WNK1: variants seen among roughly 807,000 people sequenced by gnomAD.
WNK1 encodes the protein serine/threonine-protein kinase WNK1.
In WNK1, 38 loss-of-function variants were observed where a neutral mutation model predicts 222.8. The observed-to-expected ratio is 0.17, with a 90% confidence interval of 0.13 to 0.22. The LOEUF is 0.22. Among genes scored for constraint, WNK1 ranks in the 10% least tolerant of loss-of-function variants. The pLI, the probability that WNK1 is intolerant of heterozygous loss-of-function variation, is 1.00. For missense variants in WNK1, 2,348 were observed against 2,918.4 expected (o/e 0.80, Z 4.50); for synonymous variants, 1,090 against 1,092.9 (o/e 1.00, Z 0.05).
intron 1 of WNK1, among the ~76,000 whole-genome samples, chr12:807,921 G>T (rs967250290): frequency 2.0e-5 from 3 of 151,662 alleles, no homozygotes; most frequent in African/African-American, 7.3e-5. Flanking sequence ...GGGTTTCACC[G>T]TGTTAGCCAG....
intron 26 of WNK1, among the ~76,000 whole-genome samples, chr12:907,038 A>AAAAAAAAAAAT (rs1555163543): frequency 7.1e-6 from 1 of 139,874 alleles, no homozygotes; most frequent in Non-Finnish European, 1.6e-5. Flanking sequence ...AAAAAAAAAA[A>AAAAAAAAAAAT]GCCGGGCGTG....
At chr12:779,772 A>T (rs1410485239) in intron 1 of WNK1, among the ~76,000 whole-genome samples, 3 of 152,214 alleles carry the variant, frequency 2.0e-5, no homozygotes, top group African/African-American at 7.2e-5. Context: ...TGAAATTAAA[A>T]TAATGGATTT....
At chr12:849,959 G>A (rs1451974104) in intron 4 of WNK1, among the ~76,000 whole-genome samples, 1 of 152,148 alleles carries the variant, frequency 6.6e-6, no homozygotes, top group Non-Finnish European at 1.5e-5. Context: ...TCTTAATCCA[G>A]TCTATCATTG....
Position 880,942 on chromosome 12 carries a change from G to C in WNK1, c.3054G>C (p.Gln1018His). ...GGVGGQVQVS[Q>H]PGGSLAQAPT... is the part of the protein sequence containing the mutation. ...TAGGAGGACAGGTTCAAGTGTCCCA[G>C]CCAGGAGGGAGTTTAGCACAAGCCC... The change falls in exon 12 of 28, where the codon CAG becomes CAC. Residue 1018 changes from glutamine to histidine, a missense_variant. Transcript: ENST00000315939. 1 of 1,614,158 alleles carries C rather than the reference G, an allele frequency of 6.2e-7. No homozygotes were observed. Among genetic ancestry groups the C allele is most frequent in the Non-Finnish European group, 8.5e-7 (1 of 1,180,020 alleles).
rs781465541 is a variant in WNK1, at chr12:879,867, A to G, written c.2668A>G (p.Thr890Ala). Reference sequence around the variant, plus strand: ...AACAGCTGCGATCCCGGGGGTATCAACTGTGGTTCCTAGTCAGCTTCCAAC... The same window carrying G: ...AACAGCTGCGATCCCGGGGGTATCAGCTGTGGTTCCTAGTCAGCTTCCAAC... ...ATTAAIPGVS[T>A]VVPSQLPTLL... The change falls in exon 11 of 28, where the codon ACT becomes GCT. Residue 890 changes from threonine to alanine, a missense_variant. Physicochemically the swap from Thr to Ala is moderately conservative, Grantham distance 58. Transcript: ENST00000315939. 1.9e-6 allele frequency: 3 copies of G among 1,614,008 alleles called. No homozygotes were observed. Among genetic ancestry groups the G allele is most frequent in the East Asian group, 2.2e-5 (1 of 44,894 alleles).
At chr12:893,011 T>C (rs1954400780) in intron 22 of WNK1, among the ~76,000 whole-genome samples, 1 of 152,208 alleles carries the variant, frequency 6.6e-6, no homozygotes, top group Admixed American at 6.5e-5. Flanking sequence ...TCCCAGCACT[T>C]TGGGAGGCCA....
intron 1 of WNK1, among the ~76,000 whole-genome samples, chr12:803,474 T>C (rs1034920170): frequency 1.3e-5 from 2 of 152,228 alleles, no homozygotes; most frequent in African/African-American, 4.8e-5. Flanking sequence ...TATTATTTCA[T>C]AGAAAATAAT....
chr12:886,155 C>A, intron 19 of WNK1, 71 bp downstream of exon 19: 1 of 1,318,036 alleles, frequency 7.6e-7, no homozygotes. Flanking sequence ...GTACATTTTT[C>A]ACTTCAGCCT....
chr12:818,902 C>G (rs1408522965), intron 2 of WNK1, among the ~76,000 whole-genome samples: 1 of 152,158 alleles, frequency 6.6e-6, no homozygotes, highest in Non-Finnish European at 1.5e-5. Flanking sequence ...CACCTTTTGG[C>G]TATTATGAGT....
At chr12:813,497 C>T in intron 1 of WNK1, 145 bp from the exon 2 acceptor site, 2 of 810,792 alleles carry the variant, frequency 2.5e-6, no homozygotes, top group Non-Finnish European at 3.9e-6. Flanking sequence ...TGTATATAAT[C>T]CAAATCTATC....
At chr12:758,754 T>TG (rs2153912056) in intron 1 of WNK1, among the ~76,000 whole-genome samples, 1 of 147,486 alleles carries the variant, frequency 6.8e-6, no homozygotes, top group East Asian at 1.9e-4. Context: ...GAATAGTTTT[T>TG]GGAGTTTGTT....
At position 767,234 on chromosome 12, in the gene WNK1, G is replaced by GTTTTTTTT. The variant is rs71051382; in HGVS notation, c.759+12938_759+12945dup. Among the ~76,000 whole-genome samples the GTTTTTTTT allele has an allele frequency of 5.8e-4, 41 of 70,892 alleles. 3 individuals are homozygous for GTTTTTTTT. Among genetic ancestry groups the GTTTTTTTT allele is most frequent in the African/African-American group, 1.8e-3 (28 of 15,770 alleles). The allele number at this position is 70,892 out of a possible 152,430, so 46.5% of individuals were successfully genotyped here. On this transcript the variant is annotated intron_variant, in intron 1 of 27. Transcript: ENST00000315939. ...TGTGGCAGACTTTCTGGGTTGATAG[G>GTTTTTTTT]TTTTTTTTTTTTTTTTTTTTTTTTT...
intron 4 of WNK1, among the ~76,000 whole-genome samples, chr12:835,182 G>A (rs1458068022): frequency 6.6e-6 from 1 of 152,110 alleles, no homozygotes; most frequent in Non-Finnish European, 1.5e-5. Context: ...AGTTGGCCGT[G>A]GTGGTGCATA....
At chr12:895,303 T>C (rs1954642785) in intron 23 of WNK1, among the ~76,000 whole-genome samples, 1 of 152,168 alleles carries the variant, frequency 6.6e-6, no homozygotes, top group Non-Finnish European at 1.5e-5. Context: ...CTGGATCCTC[T>C]TTTTTAGTTA....
Position 779,462 on chromosome 12 carries a change from T to C in WNK1, c.759+25138T>C, listed in dbSNP as rs1292467183. ...CTTTGTAGCCCGGGCTGGAGTGCAG[T>C]GGCACGATCTGGGCTCACTGCAACC... On this transcript the variant is annotated intron_variant, in intron 1 of 27. Coordinates refer to ENST00000315939, the MANE Select transcript of WNK1 (RefSeq NM_018979.4). Among the ~76,000 whole-genome samples, 5 of 151,098 alleles carry C rather than the reference T, an allele frequency of 3.3e-5. No individual in the cohort carries two copies. In the East Asian group the frequency reaches 7.8e-4, roughly 24 times the overall value.
At chr12:799,317 G>T (rs570942518) in intron 1 of WNK1, among the ~76,000 whole-genome samples, 1 of 149,652 alleles carries the variant, frequency 6.7e-6, no homozygotes, top group African/African-American at 2.5e-5. Context: ...TTTTTGTAGA[G>T]ATGGGGTTTT....
At chr12:810,663 G>A (rs1415806306) in intron 1 of WNK1, among the ~76,000 whole-genome samples, 1 of 152,174 alleles carries the variant, frequency 6.6e-6, no homozygotes, top group Non-Finnish European at 1.5e-5. Context: ...AAAATATGAG[G>A]GTAAAGAGAG....
chr12:798,294 C>G (rs1349614095), intron 1 of WNK1, among the ~76,000 whole-genome samples: 1 of 151,938 alleles, frequency 6.6e-6, no homozygotes, highest in Non-Finnish European at 1.5e-5. Context: ...CGGGTTCACG[C>G]CATTCTCCCA....
At chr12:906,403 C>G in intron 26 of WNK1, 1 of 985,346 alleles carries the variant, frequency 1.0e-6, no homozygotes, top group South Asian at 4.7e-5. Context: ...TTCATCATAA[C>G]CGCAAAGCTT....
Sources: gnomAD v4.1 joint callset for allele counts (sites outside exome capture counted in the v4.1 genomes callset) on GRCh38, gnomAD v4.1.1 for gene constraint, MANE v1.5 for transcripts, NCBI Gene and HGNC (gene_info 2026-07-23, HGNC 2026-07-21) for gene names.